The following CCDC171 variants were observed in gnomAD, a reference collection of about 807,000 sequenced individuals.
CCDC171 encodes the protein coiled-coil domain containing 171, also known as coiled-coil domain-containing protein 171.
In CCDC171, 177 loss-of-function variants were observed where a neutral mutation model predicts 168.2. That is an observed-to-expected ratio of 1.05 (90% CI 0.93 to 1.19). The LOEUF is 1.19. CCDC171 is among the 50% of genes most tolerant of loss of function. The probability of loss-of-function intolerance (pLI) is 0.00; values close to 1 mark genes in which losing one functional copy is unlikely to be tolerated. For missense variants in CCDC171, 1,991 were observed against 1,539.0 expected (o/e 1.29, Z -4.91); for synonymous variants, 687 against 540.8 (o/e 1.27, Z -3.75).
At chr9:15,591,599 C>T (rs1483467359) in intron 5 of CCDC171, 43 bp downstream of exon 5, 3 of 1,084,644 alleles carry the variant, frequency 2.8e-6, no homozygotes, top group Admixed American at 2.3e-5. Context: ...ATGTAATATT[C>T]ACCGAGATGT....
intron 21 of CCDC171, among the ~76,000 whole-genome samples, chr9:15,810,064 A>G (rs1369939581): frequency 6.6e-6 from 1 of 152,156 alleles, no homozygotes; most frequent in African/African-American, 2.4e-5. Flanking sequence ...TGATTGGTGC[A>G]TCCACTAACC....
intron 3 of CCDC171, among the ~76,000 whole-genome samples, chr9:15,997,856 G>A (rs768137186): frequency 2.0e-5 from 3 of 152,094 alleles, no homozygotes; most frequent in Non-Finnish European, 2.9e-5. Context: ...GGTTTAACAC[G>A]TATCCTTCCC....
chr9:15,623,475 G>GCGCACGCGCGCGCACACACA lies in CCDC171; in HGVS notation c.822+63_822+64insGCACGCGCGCGCACACACAC. ...CAAACTTTCACATATGCGCGCGCGCGCACACACACACACACACACACACAC... is the reference window on the plus strand; with the variant it reads ...CAAACTTTCACATATGCGCGCGCGCGCGCACGCGCGCGCACACACACACACACACACACACACACACACAC... On this transcript the variant is annotated intron_variant, in intron 7 of 25. Coordinates refer to ENST00000380701, the MANE Select transcript of CCDC171 (RefSeq NM_173550.4). The GCGCACGCGCGCGCACACACA allele has an allele frequency of 3.2e-5, 10 of 315,476 alleles. No individual in the cohort carries two copies. The East Asian group carries it at 7.1e-4, about 22-fold the overall frequency. 19.5% of individuals were successfully genotyped at this position (315,476 alleles called of 1,614,324 possible).
At chr9:15,860,332 G>T (rs75012625) in intron 23 of CCDC171, among the ~76,000 whole-genome samples, 1 of 149,736 alleles carries the variant, frequency 6.7e-6, no homozygotes, top group African/African-American at 2.5e-5. Flanking sequence ...TCTTCTTCTC[G>T]TTCGTTGAGG....
At chr9:15,590,821 CT>C (rs2041948047) in intron 4 of CCDC171, among the ~76,000 whole-genome samples, 2 of 131,500 alleles carry the variant, frequency 1.5e-5, no homozygotes, top group Non-Finnish European at 3.3e-5. Flanking sequence ...TTCTTTCTTT[CT>C]TTCTTTCTTT....
intron 18 of CCDC171, chr9:15,776,194 G>A (rs192573588): frequency 7.2e-5 from 11 of 151,872 alleles, no homozygotes; most frequent in Admixed American, 4.6e-4. Flanking sequence ...AACATGGAAC[G>A]CTTCACAAAC....
chr9:16,012,365 CA>C (rs1346242385), intron 3 of CCDC171, among the ~76,000 whole-genome samples: 1 of 152,176 alleles, frequency 6.6e-6, no homozygotes, highest in Non-Finnish European at 1.5e-5. Context: ...ACACATTGAA[CA>C]AATACACTCA....
chr9:15,912,227 A>T (rs989959486), intron 24 of CCDC171, among the ~76,000 whole-genome samples: 5 of 152,072 alleles, frequency 3.3e-5, no homozygotes, highest in African/African-American at 1.2e-4. Context: ...TATTTCCTTG[A>T]GCGGTGGTTT....
intron 24 of CCDC171, among the ~76,000 whole-genome samples, chr9:15,909,891 T>C (rs1235525272): frequency 6.6e-6 from 1 of 152,196 alleles, no homozygotes; most frequent in Non-Finnish European, 1.5e-5. Flanking sequence ...ATATATTGCA[T>C]AGTGGTGAAG....
chr9:15,968,239 G>T (rs1830995042), intron 25 of CCDC171, among the ~76,000 whole-genome samples: 1 of 152,068 alleles, frequency 6.6e-6, no homozygotes. Flanking sequence ...TTGAAAAACT[G>T]CCTAAATTTA....
At chr9:15,706,648 C>A (rs1347947534) in intron 11 of CCDC171, among the ~76,000 whole-genome samples, 1 of 152,122 alleles carries the variant, frequency 6.6e-6, no homozygotes, top group Non-Finnish European at 1.5e-5. Flanking sequence ...CTGAGGGTGT[C>A]AGCAAACATC....
At chr9:15,741,699 T>G (rs1472025388) in intron 16 of CCDC171, among the ~76,000 whole-genome samples, 1 of 152,214 alleles carries the variant, frequency 6.6e-6, no homozygotes, top group African/African-American at 2.4e-5. Flanking sequence ...AGATTTATGA[T>G]CAAATTTTCT....
At chr9:15,692,151 GGA>G (rs1434124806) in intron 10 of CCDC171, among the ~76,000 whole-genome samples, 1 of 152,174 alleles carries the variant, frequency 6.6e-6, no homozygotes, top group Non-Finnish European at 1.5e-5. Flanking sequence ...CAAGGTGGGT[GGA>G]TCACTTGAGG....
At chr9:15,766,613 T>C (rs1015140041) in intron 18 of CCDC171, among the ~76,000 whole-genome samples, 8 of 152,050 alleles carry the variant, frequency 5.3e-5, no homozygotes, top group Admixed American at 5.2e-4. Flanking sequence ...GGGCCAACTC[T>C]TCCTGGCATT....
At chr9:15,661,327 G>A in intron 8 of CCDC171, among the ~76,000 whole-genome samples, 1 of 148,156 alleles carries the variant, frequency 6.7e-6, no homozygotes, top group South Asian at 2.1e-4. Flanking sequence ...TGACTTTTTA[G>A]TAATAGGCTG....
chr9:15,883,507 G>C (rs1818989773), intron 24 of CCDC171, among the ~76,000 whole-genome samples: 1 of 152,110 alleles, frequency 6.6e-6, no homozygotes, highest in Non-Finnish European at 1.5e-5. Flanking sequence ...TTTAATACTA[G>C]CAGATGAGAT....
chr9:15,964,824 G>T (rs1387758154), intron 25 of CCDC171, among the ~76,000 whole-genome samples: 1 of 152,116 alleles, frequency 6.6e-6, no homozygotes, highest in Non-Finnish European at 1.5e-5. Context: ...GCAATGGCGC[G>T]ATCTCAGCTC....
chr9:15,669,506 A>C (rs1373363363), intron 9 of CCDC171, among the ~76,000 whole-genome samples: 1 of 152,038 alleles, frequency 6.6e-6, no homozygotes, highest in Non-Finnish European at 1.5e-5. Flanking sequence ...GTTATTTTGA[A>C]ATATGTGATA....
chr9:15,834,632 C>T (rs910377740), intron 21 of CCDC171, among the ~76,000 whole-genome samples: 1 of 152,078 alleles, frequency 6.6e-6, no homozygotes, highest in Non-Finnish European at 1.5e-5. Context: ...GTATTATTTT[C>T]TATGTTTTAG....
Sources: allele counts gnomAD v4.1 joint callset (sites outside exome capture counted in the v4.1 genomes callset), GRCh38; gene constraint gnomAD v4.1.1; transcripts MANE v1.5; gene names NCBI Gene and HGNC (gene_info 2026-07-23, HGNC 2026-07-21).